The following CARS2 variants were observed in gnomAD, a reference collection of about 807,000 sequenced individuals.
CARS2 encodes cysteinyl-tRNA synthetase 2, mitochondrial.
A neutral mutation model predicts 68.8 loss-of-function variants in CARS2; 52 were observed. The observed-to-expected ratio is 0.76, with a 90% CI of 0.61 to 0.95. CARS2 has a LOEUF of 0.95. Ranked by LOEUF, CARS2 falls within the 40% of genes least tolerant of loss-of-function variation. The pLI, the probability that CARS2 is intolerant of heterozygous loss-of-function variation, is 0.00. For synonymous variants in CARS2, 314 were observed against 303.6 expected (o/e 1.03, Z -0.36); for missense variants, 780 against 754.2 (o/e 1.03, Z -0.40).
rs9588216 is a variant in CARS2, at chr13:110,647,372, G to A, written c.1055-133C>T. The A allele has an allele frequency of 3.6e-3, 4,018 of 1,107,848 alleles. 105 individuals are homozygous for A. The African/African-American group carries it at 0.056, about 15-fold the overall frequency. The allele number at this position is 1,107,848 out of a possible 1,614,324, so 68.6% of individuals were successfully genotyped here. A position where few individuals can be genotyped will look rare whatever the true frequency, so the allele number is the denominator to read the frequency against. On this transcript the variant is annotated intron_variant, in intron 10 of 14. Coordinates refer to ENST00000257347, the MANE Select transcript of CARS2 (RefSeq NM_024537.4). ...GGAGAGCGGGACATGTGGCTCTCACGCCCTCCAGTGACCGCGAGTCCCTAG... is the reference window on the plus strand; with the variant it reads ...GGAGAGCGGGACATGTGGCTCTCACACCCTCCAGTGACCGCGAGTCCCTAG...
In CARS2 at chr13:110,647,516, C is replaced by CGGA. The variant is rs10671008; in HGVS notation, c.1055-278_1055-277insTCC. On this transcript the variant is annotated intron_variant, in intron 10 of 14. Transcript: ENST00000257347. ...CAGCCAAGAGGTGCATTTCCACTGA[C>CGGA]TGGATGGAGGTGCGGATGAATGGCT... 0.27 allele frequency among the ~76,000 whole-genome samples: 41,471 copies of CGGA among 151,846 alleles called. 6,774 individuals carry two copies. The highest frequency in any genetic ancestry group is 0.46 in the African/African-American group (19,130 of 41,372).
chr13:110,654,270 A>G (rs1409523744), intron 9 of CARS2, among the ~76,000 whole-genome samples: 1 of 152,214 alleles, frequency 6.6e-6, no homozygotes, highest in South Asian at 2.1e-4. Context: ...ACTAGAAAGC[A>G]GGTTTTAAAC....
chr13:110,646,416 C>T lies in CARS2; in HGVS notation c.1194-326G>A, dbSNP rs1329117773. On this transcript the variant is annotated intron_variant, in intron 11 of 14. Coordinates refer to ENST00000257347, the MANE Select transcript of CARS2 (RefSeq NM_024537.4). The stretch of plus-strand genomic sequence containing the variant: ...CAAGGAAGACTCGGTGGGGGAGAGA[C>T]GGCACGGCTGACCACTCACAAAGAG... 3.6e-5 allele frequency: 7 copies of T among 196,586 alleles called. No individual in the cohort carries two copies. In the South Asian group the frequency reaches 4.2e-4, roughly 12 times the overall value. The allele number at this position is 196,586 out of a possible 1,614,324, so 12.2% of individuals were successfully genotyped here. A position where few individuals can be genotyped will look rare whatever the true frequency, so the allele number is the denominator to read the frequency against.
chr13:110,679,126 C>T (rs1212466386), intron 6 of CARS2, among the ~76,000 whole-genome samples: 1 of 152,200 alleles, frequency 6.6e-6, no homozygotes, highest in East Asian at 1.9e-4. Flanking sequence ...GCGTTCATTA[C>T]CTCAGTCTAT....
intron 3 of CARS2, among the ~76,000 whole-genome samples, chr13:110,695,882 C>T (rs1248583458): frequency 6.6e-6 from 1 of 151,860 alleles, no homozygotes; most frequent in East Asian, 1.9e-4. Flanking sequence ...CACCCATCAA[C>T]CCGTCATCTA....
At chr13:110,710,182 A>T (rs1028216933), upstream of CARS2, among the ~76,000 whole-genome samples, 1 of 152,192 alleles carries the variant, frequency 6.6e-6, no homozygotes, top group Non-Finnish European at 1.5e-5. Context: ...GGAGTTCGAG[A>T]CCAGCCTGGG....
intron 9 of CARS2, among the ~76,000 whole-genome samples, chr13:110,660,542 T>C (rs1270785739): frequency 6.6e-6 from 1 of 152,204 alleles, no homozygotes; most frequent in African/African-American, 2.4e-5. Context: ...AATGTTCTGT[T>C]AGCAGCATAA....
rs924047500 is a variant in CARS2, at chr13:110,676,345, T to C, written c.785+629A>G. On this transcript the variant is annotated intron_variant, in intron 7 of 14. Coordinates refer to ENST00000257347, the MANE Select transcript of CARS2 (RefSeq NM_024537.4). This position sits in a 1 kb window ranked among gnomAD's most constrained non-coding sequence, Gnocchi z 4.0. ...AGGGAGAAGGCGGAGAAAGCTCTACTGAGAGGCAGAAACCAGGACAGAGAG... is the reference window on the plus strand; with the variant it reads ...AGGGAGAAGGCGGAGAAAGCTCTACCGAGAGGCAGAAACCAGGACAGAGAG... Among the ~76,000 whole-genome samples, 27 of 152,080 alleles carry C rather than the reference T, an allele frequency of 1.8e-4. No individual in the cohort carries two copies. Among genetic ancestry groups the C allele is most frequent in the Non-Finnish European group, 8.8e-5 (6 of 68,024 alleles).
chr13:110,644,170 G>C (rs775821506), intron 13 of CARS2: 1 of 1,451,000 alleles, frequency 6.9e-7, no homozygotes, highest in South Asian at 1.2e-5. Flanking sequence ...TTCTGCGCAC[G>C]AGAGTTTGCC....
chr13:110,653,969 G>A lies in CARS2; in HGVS notation c.988-2869C>T, dbSNP rs922955346. Among the ~76,000 whole-genome samples, 12 of 152,206 alleles carry A rather than the reference G, an allele frequency of 7.9e-5. No homozygotes were observed. Among genetic ancestry groups the A allele is most frequent in the South Asian group, 2.1e-4 (1 of 4,828 alleles). On this transcript the variant is annotated intron_variant, in intron 9 of 14. Transcript: ENST00000257347. The surrounding 1 kb of genome is among the most constrained non-coding windows in gnomAD (Gnocchi z 5.6). ...TCCCTGAGAGGCAAAATGTGGCGAC[G>A]GCAGTGTAAGCTCGTGCTGGAACTC...
chr13:110,653,528 C>A lies in CARS2; in HGVS notation c.988-2428G>T, dbSNP rs191015017. On this transcript the variant is annotated intron_variant, in intron 9 of 14. Transcript: ENST00000257347. The surrounding 1 kb of genome is among the most constrained non-coding windows in gnomAD (Gnocchi z 5.6). The stretch of plus-strand genomic sequence containing the variant: ...CAAGCAGCCTCCACGCTCCCCACTT[C>A]ATTCCAAAAACGATTTCACCTGGCT... 2.6e-5 allele frequency among the ~76,000 whole-genome samples: 4 copies of A among 152,300 alleles called. No individual in the cohort carries two copies. The East Asian group carries it at 5.8e-4, about 22-fold the overall frequency.
intron 5 of CARS2, among the ~76,000 whole-genome samples, chr13:110,683,479 A>G (rs1245962659): frequency 6.6e-6 from 1 of 152,254 alleles, no homozygotes; most frequent in Non-Finnish European, 1.5e-5. Context: ...CATGATTTGG[A>G]CATATCATGA....
chr13:110,713,471 C>T, exon 1 of CARS2: 8 of 989,524 alleles, frequency 8.1e-6, no homozygotes, highest in Non-Finnish European at 8.4e-6. Flanking sequence ...GCCGTCCACA[C>T]CCCAGCGGCC....
rs901734483 is a variant in CARS2, at chr13:110,653,432, T to C, written c.988-2332A>G. ...TGGTTCCAATTAACGCACACAGCCA[T>C]GTCCTGCCGGTTTCAGTTCAGGTTG... On this transcript the variant is annotated intron_variant, in intron 9 of 14. Coordinates refer to ENST00000257347, the MANE Select transcript of CARS2 (RefSeq NM_024537.4). The surrounding 1 kb of genome is among the most constrained non-coding windows in gnomAD (Gnocchi z 5.6). Among the ~76,000 whole-genome samples, 22 of 152,184 alleles carry C rather than the reference T, an allele frequency of 1.4e-4. No homozygotes were observed. The highest frequency in any genetic ancestry group is 4.8e-4 in the African/African-American group (20 of 41,446).
intron 11 of CARS2, 50 bp from the exon 12 acceptor site, chr13:110,646,140 C>T (rs1210692350): frequency 1.9e-6 from 3 of 1,575,654 alleles, no homozygotes; most frequent in Admixed American, 1.8e-5. Flanking sequence ...CCACTCTCCC[C>T]AGGCGGCCCC....
At chr13:110,651,468 G>C (rs573150668) in intron 9 of CARS2, among the ~76,000 whole-genome samples, 9 of 152,208 alleles carry the variant, frequency 5.9e-5, no homozygotes, top group Non-Finnish European at 1.3e-4. Context: ...AAGAGACCAG[G>C]TAGGTGGCGG....
chr13:110,697,036 TCTACCAGCTCC>T (rs937406039), intron 3 of CARS2, among the ~76,000 whole-genome samples: 14 of 152,236 alleles, frequency 9.2e-5, no homozygotes, highest in African/African-American at 2.7e-4. Flanking sequence ...TGTCTCAGCC[TCTACCAGCTCC>T]CTGCCACCAG....
chr13:110,675,098 A>G (rs2062907616), intron 7 of CARS2, among the ~76,000 whole-genome samples: 1 of 152,150 alleles, frequency 6.6e-6, no homozygotes. Flanking sequence ...GAACACTTTT[A>G]CACTGTTGGT....
chr13:110,709,602 C>G (rs570222288), upstream of CARS2, among the ~76,000 whole-genome samples: 5 of 152,274 alleles, frequency 3.3e-5, no homozygotes, highest in East Asian at 9.6e-4. Context: ...TTCCTGCCCT[C>G]GAACATCAGA....
Sources: gnomAD v4.1 joint callset for allele counts (sites outside exome capture counted in the v4.1 genomes callset) on GRCh38, gnomAD v4.1.1 for gene constraint, Gnocchi (gnomAD v3.1) non-coding constraint, MANE v1.5 for transcripts, NCBI Gene and HGNC (gene_info 2026-07-23, HGNC 2026-07-21) for gene names.